The following FLT1 variants were observed in gnomAD, a reference collection of about 807,000 sequenced individuals.
FLT1 encodes fms related receptor tyrosine kinase 1, also known as vascular endothelial growth factor receptor 1.
A neutral mutation model predicts 156.3 loss-of-function variants in FLT1; 49 were observed. The observed-to-expected ratio is 0.31, with a 90% confidence interval of 0.25 to 0.40. The LOEUF (loss-of-function observed/expected upper bound fraction) is 0.40. Ranked by LOEUF, FLT1 falls within the 10% of genes least tolerant of loss-of-function variation. The probability of loss-of-function intolerance (pLI) is 1.00; values close to 1 mark genes in which losing one functional copy is unlikely to be tolerated. For synonymous variants in FLT1, 594 were observed against 583.8 expected (o/e 1.02, Z -0.25); for missense variants, 1,322 against 1,637.2 (o/e 0.81, Z 3.32).
chr13:28,322,593 G>A lies in FLT1; in HGVS notation c.2953+197C>T. 1.4e-6 allele frequency: 1 copy of A among 729,000 alleles called. No individual in the cohort carries two copies. Among genetic ancestry groups the A allele is most frequent in the Non-Finnish European group, 2.4e-6 (1 of 412,956 alleles). The allele number at this position is 729,000 out of a possible 1,614,324, so 45.2% of individuals were successfully genotyped here. On this transcript the variant is annotated intron_variant, in intron 21 of 29. Transcript: ENST00000282397. This position sits in a 1 kb window ranked among gnomAD's most constrained non-coding sequence, Gnocchi z 4.3. ...CCATTAAGATGAAAATCCCTGAGGG[G>A]AGAAAACGGTACAGTTCCCTGTCAA...
intron 5 of FLT1, 29 bp from the exon 6 acceptor site, chr13:28,433,984 A>T: frequency 6.2e-7 from 1 of 1,614,018 alleles, no homozygotes; most frequent in South Asian, 1.1e-5. Context: ...AATTTTTTAA[A>T]ATTAAGATTT....
chr13:28,481,918 AAC>A (rs1880876170), intron 1 of FLT1, among the ~76,000 whole-genome samples: 1 of 152,240 alleles, frequency 6.6e-6, no homozygotes, highest in African/African-American at 2.4e-5. Context: ...ATAAACATGT[AAC>A]ACAATGAATA....
At chr13:28,432,061 A>G (rs749988557) in intron 6 of FLT1, among the ~76,000 whole-genome samples, 2 of 152,166 alleles carry the variant, frequency 1.3e-5, no homozygotes, top group Admixed American at 6.5e-5. Flanking sequence ...CCTGGCCACA[A>G]TGACAGTCCT....
intron 3 of FLT1, among the ~76,000 whole-genome samples, chr13:28,443,609 A>G (rs1282999145): frequency 6.6e-6 from 1 of 152,176 alleles, no homozygotes; most frequent in Admixed American, 6.5e-5. Context: ...AGTCATTTTA[A>G]AGGAGGGTAT....
chr13:28,343,297 T>C (rs770494625), intron 16 of FLT1, among the ~76,000 whole-genome samples: 4 of 151,350 alleles, frequency 2.6e-5, no homozygotes, highest in Non-Finnish European at 4.4e-5. Flanking sequence ...TTATAATTTC[T>C]TTCTTTTCTT....
chr13:28,387,342 A>G (rs1213693031), intron 13 of FLT1: 14 of 1,048,092 alleles, frequency 1.3e-5, no homozygotes, highest in Non-Finnish European at 1.6e-5. Flanking sequence ...TATTTTGTCA[A>G]TTCTTACTTT....
intron 11 of FLT1, among the ~76,000 whole-genome samples, chr13:28,402,168 A>AAAAAATCC (rs1359083508): frequency 6.6e-6 from 1 of 152,182 alleles, no homozygotes; most frequent in African/African-American, 2.4e-5. Context: ...AAACAAAGAA[A>AAAAAATCC]AAAAATCCAA....
intron 10 of FLT1, among the ~76,000 whole-genome samples, chr13:28,424,321 G>A (rs1877208034): frequency 6.6e-6 from 1 of 151,818 alleles, no homozygotes; most frequent in Non-Finnish European, 1.5e-5. Context: ...ACCTGTATGA[G>A]TTTAAAAGTA....
chr13:28,421,275 G>C (rs1189672300), intron 10 of FLT1, among the ~76,000 whole-genome samples: 1 of 152,020 alleles, frequency 6.6e-6, no homozygotes, highest in Middle Eastern at 3.2e-3. Context: ...ATTTTTCTTA[G>C]AAAACCCCCC....
chr13:28,482,384 G>A (rs566415891), intron 1 of FLT1, among the ~76,000 whole-genome samples: 1 of 151,714 alleles, frequency 6.6e-6, no homozygotes, highest in South Asian at 2.1e-4. Flanking sequence ...ATTGCAGTGA[G>A]CCGAGATCAC....
chr13:28,313,047 C>T (rs1219023602), intron 25 of FLT1, among the ~76,000 whole-genome samples: 1 of 151,994 alleles, frequency 6.6e-6, no homozygotes, highest in African/African-American at 2.4e-5. Flanking sequence ...GCCATGATCT[C>T]AGCTTACTGC....
At chr13:28,381,623 A>G (rs1874082645) in intron 14 of FLT1, among the ~76,000 whole-genome samples, 1 of 152,154 alleles carries the variant, frequency 6.6e-6, no homozygotes, top group South Asian at 2.1e-4. Context: ...TTTCTTTCAC[A>G]AGCTATTTAT....
chr13:28,329,551 G>A (rs1036674153), intron 19 of FLT1, 64 bp downstream of exon 19: 1 of 1,172,510 alleles, frequency 8.5e-7, no homozygotes, highest in Non-Finnish European at 1.3e-6. Context: ...GAGCTGTAAG[G>A]CAGAGAACTG....
intron 10 of FLT1, among the ~76,000 whole-genome samples, chr13:28,415,208 G>A (rs974300082): frequency 3.3e-5 from 5 of 152,176 alleles, no homozygotes; most frequent in Non-Finnish European, 5.9e-5. Flanking sequence ...GCCCGGGTGC[G>A]GTGGCTCATG....
intron 4 of FLT1, 100 bp downstream of exon 4, chr13:28,438,121 G>T: frequency 8.3e-7 from 1 of 1,208,186 alleles, no homozygotes; most frequent in South Asian, 1.2e-5. Flanking sequence ...AGAAGCCCAG[G>T]TGTTTGTAAG....
chr13:28,424,155 T>A (rs1334316781), intron 10 of FLT1, among the ~76,000 whole-genome samples: 1 of 151,836 alleles, frequency 6.6e-6, no homozygotes, highest in Non-Finnish European at 1.5e-5. Flanking sequence ...CCCAGGCTGG[T>A]CTCAAACTCC....
intron 8 of FLT1, among the ~76,000 whole-genome samples, chr13:28,429,479 A>G (rs116941950): frequency 1.5e-4 from 23 of 152,326 alleles, no homozygotes; most frequent in Non-Finnish European, 3.1e-4. Context: ...CAGTGTTTTA[A>G]AAAACAACTG....
At chr13:28,360,195 G>A (rs942000603) in intron 14 of FLT1, among the ~76,000 whole-genome samples, 3 of 152,202 alleles carry the variant, frequency 2.0e-5, no homozygotes, top group African/African-American at 7.2e-5. Context: ...CACAAGTGTT[G>A]ATGAGGATGT....
intron 18 of FLT1, among the ~76,000 whole-genome samples, chr13:28,333,564 T>C (rs1351652558): frequency 6.6e-6 from 1 of 152,226 alleles, no homozygotes; most frequent in Non-Finnish European, 1.5e-5. Context: ...GTAGTTAGTA[T>C]AAAATAGTTT....
Sources: allele counts gnomAD v4.1 joint callset (sites outside exome capture counted in the v4.1 genomes callset), GRCh38; gene constraint gnomAD v4.1.1; non-coding constraint Gnocchi (gnomAD v3.1); transcripts MANE v1.5; gene names NCBI Gene and HGNC (gene_info 2026-07-23, HGNC 2026-07-21).